The following CBR4 variants were observed in gnomAD, a reference collection of about 807,000 sequenced individuals.
CBR4 encodes the protein 3-oxoacyl-[acyl-carrier-protein] reductase.
In CBR4, 22 loss-of-function variants were observed where a neutral mutation model predicts 21.0. That is an observed-to-expected ratio of 1.05 (90% CI 0.75 to 1.50). The LOEUF (loss-of-function observed/expected upper bound fraction) is 1.50, where lower values mean the gene tolerates loss of function less well. Ranked by LOEUF, CBR4 falls within the 40% of genes most tolerant of loss-of-function variation. CBR4 has a pLI of 0.00. For missense variants in CBR4, 302 were observed against 286.3 expected (o/e 1.05, Z -0.40); for synonymous variants, 100 against 104.4 (o/e 0.96, Z 0.26).
chr4:168,896,525 A>C, intron 2 of CBR4: 3 of 1,360,028 alleles, frequency 2.2e-6, no homozygotes, highest in Non-Finnish European at 3.0e-6. Flanking sequence ...ATTAGTCTTC[A>C]CATCTTTTTT....
downstream of CBR4, among the ~76,000 whole-genome samples, chr4:168,982,967 G>A (rs941841982): frequency 6.6e-6 from 1 of 152,174 alleles, no homozygotes; most frequent in Non-Finnish European, 1.5e-5. Context: ...ACATCAAAAA[G>A]TTAGAAAGAT....
At chr4:168,925,250 T>C (rs1162196673) in intron 2 of CBR4, 4 of 1,608,920 alleles carry the variant, frequency 2.5e-6, no homozygotes, top group Non-Finnish European at 3.4e-6. Flanking sequence ...ACATTAATAG[T>C]GAACCACACC....
Position 168,990,040 on chromosome 4 carries a change from G to C in CBR4, c.*110C>G. ...ATAAAGACAGAAATTAACATTTGTAGCATCAGCAGGTTTGATTAGCACATG... is the reference window on the plus strand; with the variant it reads ...ATAAAGACAGAAATTAACATTTGTACCATCAGCAGGTTTGATTAGCACATG... On this transcript the variant is annotated 3_prime_UTR_variant, in exon 5 of 5. Coordinates refer to ENST00000306193, the MANE Select transcript of CBR4 (RefSeq NM_032783.5). 2 of 1,321,102 alleles carry C rather than the reference G, an allele frequency of 1.5e-6. No homozygotes were observed. The highest frequency in any genetic ancestry group is 2.9e-5 in the East Asian group (1 of 34,602). 81.8% of individuals were successfully genotyped at this position (1,321,102 alleles called of 1,614,324 possible).
downstream of CBR4, chr4:168,987,580 C>T (rs1407876954): frequency 1.2e-6 from 1 of 844,220 alleles, no homozygotes; most frequent in African/African-American, 1.8e-5. Context: ...ATAAAATTAA[C>T]ATCAGAAAGT....
intron 2 of CBR4, among the ~76,000 whole-genome samples, chr4:168,915,346 G>A (rs1759883844): frequency 6.6e-6 from 1 of 152,078 alleles, no homozygotes; most frequent in South Asian, 2.1e-4. Flanking sequence ...ACAGAATCTG[G>A]GAGATTTGTA....
chr4:168,919,586 T>C (rs1182440404), intron 2 of CBR4, among the ~76,000 whole-genome samples: 1 of 150,288 alleles, frequency 6.7e-6, no homozygotes, highest in Non-Finnish European at 1.5e-5. Flanking sequence ...AAAAAAAAGT[T>C]AGTGTATTTA....
intron 2 of CBR4, among the ~76,000 whole-genome samples, chr4:168,937,636 C>CAAAAAAAAAAAAA (rs139482274): frequency 7.2e-6 from 1 of 138,806 alleles, no homozygotes. Flanking sequence ...ATAAAAAAAG[C>CAAAAAAAAAAAAA]AAAAAAAAAA....
At chr4:169,003,692 C>A (rs950798692) in intron 3 of CBR4, among the ~76,000 whole-genome samples, 1 of 151,956 alleles carries the variant, frequency 6.6e-6, no homozygotes, top group Non-Finnish European at 1.5e-5. Context: ...AGACTTGGAA[C>A]CAAATCAAAT....
At chr4:168,914,144 A>G in intron 2 of CBR4, 1 of 718,580 alleles carries the variant, frequency 1.4e-6, no homozygotes, top group South Asian at 1.5e-5. Flanking sequence ...ATAGGAATGC[A>G]AACCTGAAGC....
intron 2 of CBR4, among the ~76,000 whole-genome samples, chr4:168,950,141 C>T (rs1763499977): frequency 1.3e-5 from 2 of 151,950 alleles, no homozygotes; most frequent in Non-Finnish European, 2.9e-5. Flanking sequence ...TTGGTTATTT[C>T]CTTTCTTCTG....
intron 2 of CBR4, among the ~76,000 whole-genome samples, chr4:168,911,254 T>C (rs1356085606): frequency 2.0e-5 from 3 of 152,344 alleles, no homozygotes; most frequent in East Asian, 3.9e-4. Context: ...TGTTTGACTG[T>C]TTGTAACAAC....
chr4:168,977,031 A>T (rs376862747), intron 2 of CBR4, among the ~76,000 whole-genome samples: 3 of 152,316 alleles, frequency 2.0e-5, no homozygotes, highest in Admixed American at 1.3e-4. Context: ...TTGCTGTCTC[A>T]CAGCATTTGC....
At chr4:168,961,362 T>A (rs1205064350) in intron 2 of CBR4, among the ~76,000 whole-genome samples, 1 of 152,216 alleles carries the variant, frequency 6.6e-6, no homozygotes, top group Non-Finnish European at 1.5e-5. Context: ...GTTGTCTCAA[T>A]ATCTATAGAA....
intron 2 of CBR4, among the ~76,000 whole-genome samples, chr4:168,917,943 G>A (rs997075484): frequency 6.6e-6 from 1 of 152,142 alleles, no homozygotes; most frequent in Non-Finnish European, 1.5e-5. Flanking sequence ...GCACACGCCT[G>A]TAATCCCAGC....
chr4:168,939,219 C>G (rs1420664467), intron 2 of CBR4, among the ~76,000 whole-genome samples: 1 of 152,174 alleles, frequency 6.6e-6, no homozygotes, highest in African/African-American at 2.4e-5. Context: ...TCAACAGATG[C>G]AGAAAAGGCC....
chr4:168,894,808 A>G (rs1754765200), intron 2 of CBR4: 4 of 1,455,804 alleles, frequency 2.7e-6, no homozygotes, highest in South Asian at 2.5e-5. Context: ...CAGTATTAAT[A>G]TCATCAGTCA....
At chr4:168,925,177 TTG>T in intron 2 of CBR4, 5 of 1,576,460 alleles carry the variant, frequency 3.2e-6, no homozygotes, top group Non-Finnish European at 4.4e-6. Flanking sequence ...TAAACAACTA[TTG>T]TGTTTTATTT....
rs1764747629 is a variant in CBR4 at position 168,987,935 on chromosome 4, T to C, written c.*2215A>G. 4 of 984,900 alleles carry C rather than the reference T, an allele frequency of 4.1e-6. No homozygotes were observed. The highest frequency in any genetic ancestry group is 1.7e-5 in the African/African-American group (1 of 57,232). The allele number at this position is 984,900 out of a possible 1,614,324, so 61.0% of individuals were successfully genotyped here. A position where few individuals can be genotyped will look rare whatever the true frequency, so the allele number is the denominator to read the frequency against. ...CTCCATGCAAAAAAAAATTAATACA[T>C]TGGCTTTACCTATAAACCTTATTTT... is the stretch of plus-strand genomic sequence containing the variant. On this transcript the variant is annotated 3_prime_UTR_variant, in exon 5 of 5. Coordinates refer to ENST00000306193, the MANE Select transcript of CBR4 (RefSeq NM_032783.5).
At chr4:168,942,233 G>T (rs985401572) in intron 2 of CBR4, among the ~76,000 whole-genome samples, 5 of 151,880 alleles carry the variant, frequency 3.3e-5, no homozygotes, top group African/African-American at 7.3e-5. Context: ...GGGCCTGTTG[G>T]GGGGTGGGGA....
Sources: allele counts gnomAD v4.1 joint callset (sites outside exome capture counted in the v4.1 genomes callset), GRCh38; gene constraint gnomAD v4.1.1; transcripts MANE v1.5; gene names NCBI Gene and HGNC (gene_info 2026-07-23, HGNC 2026-07-21).